KALRN: variants seen among roughly 807,000 people sequenced by gnomAD.
KALRN encodes kalirin.
In KALRN, 70 loss-of-function variants were observed where a neutral mutation model predicts 353.7. The ratio of observed to expected loss-of-function variants is 0.20; its 90% CI spans 0.16 to 0.24. The LOEUF (loss-of-function observed/expected upper bound fraction) is 0.24. KALRN is among the 10% of genes least tolerant of loss of function. The probability of loss-of-function intolerance (pLI) is 1.00; values close to 1 mark genes in which losing one functional copy is unlikely to be tolerated. For missense variants in KALRN, 2,791 were observed against 3,756.7 expected, an observed-to-expected ratio of 0.74 and a Z score of 6.72; for synonymous variants, 1,391 against 1,434.8, an observed-to-expected ratio of 0.97 and a Z score of 0.69.
chr3:124,272,107 T>A (rs1413671628), intron 5 of KALRN, among the ~76,000 whole-genome samples: 1 of 152,200 alleles, frequency 6.6e-6, no homozygotes, highest in Non-Finnish European at 1.5e-5. Flanking sequence ...GTAATAGGAT[T>A]ATACCCAAGT....
At chr3:124,381,785 C>T (rs2087422733) in intron 10 of KALRN, among the ~76,000 whole-genome samples, 1 of 152,106 alleles carries the variant, frequency 6.6e-6, no homozygotes, top group African/African-American at 2.4e-5. Context: ...ATGGGGGAAC[C>T]AAGGATGAGT....
intron 1 of KALRN, among the ~76,000 whole-genome samples, chr3:124,069,601 TGTA>T (rs548415144): frequency 8.3e-4 from 126 of 152,332 alleles, no homozygotes; most frequent in African/African-American, 3.0e-3. Flanking sequence ...CAATGTAAAC[TGTA>T]GTAAAGTAAG....
intron 10 of KALRN, among the ~76,000 whole-genome samples, chr3:124,348,590 A>G (rs953150630): frequency 1.3e-5 from 2 of 152,224 alleles, no homozygotes; most frequent in Non-Finnish European, 2.9e-5. Context: ...TGCACTGTTG[A>G]TGAGAATGTA....
At chr3:124,666,410 A>C (rs756937793) in intron 45 of KALRN, 39 bp from the exon 46 acceptor site, 477 of 1,590,882 alleles carry the variant, frequency 3.0e-4, no homozygotes, top group Admixed American at 1.6e-3. Context: ...CTCGCTCCCC[A>C]TTTTTCATTC....
chr3:124,086,844 A>C (rs2060853465), intron 1 of KALRN, among the ~76,000 whole-genome samples: 1 of 152,182 alleles, frequency 6.6e-6, no homozygotes, highest in African/African-American at 2.4e-5. Flanking sequence ...CTTTTTGTAA[A>C]TATAAGCAAA....
chr3:124,286,176 CTCTT>C (rs1159469186), intron 5 of KALRN, among the ~76,000 whole-genome samples: 2 of 123,644 alleles, frequency 1.6e-5, no homozygotes, highest in African/African-American at 6.1e-5. Context: ...TTCTTTCTTT[CTCTT>C]TCTTCCTTCC....
At chr3:124,356,929 T>G (rs1341082849) in intron 10 of KALRN, among the ~76,000 whole-genome samples, 4 of 152,162 alleles carry the variant, frequency 2.6e-5, no homozygotes. Flanking sequence ...CACCCCTGGG[T>G]TCGATATTTA....
intron 32 of KALRN, among the ~76,000 whole-genome samples, chr3:124,493,813 G>A (rs1223873319): frequency 6.6e-6 from 1 of 152,220 alleles, no homozygotes; most frequent in Non-Finnish European, 1.5e-5. Flanking sequence ...TGGGGCGGAA[G>A]CCCCAAGACC....
At chr3:124,348,305 C>A (rs913943750) in intron 10 of KALRN, among the ~76,000 whole-genome samples, 1 of 152,210 alleles carries the variant, frequency 6.6e-6, no homozygotes, top group Non-Finnish European at 1.5e-5. Flanking sequence ...CTACTTTGGG[C>A]ATTGTACAGA....
At chr3:124,295,507 C>T (rs1309005292) in intron 5 of KALRN, among the ~76,000 whole-genome samples, 1 of 152,192 alleles carries the variant, frequency 6.6e-6, no homozygotes, top group African/African-American at 2.4e-5. Context: ...CTGTGTTCAG[C>T]TTTCCCTACT....
rs1578074849 is a variant in KALRN at position 124,572,602 on chromosome 3, G to T, written c.5182+9513G>T. The stretch of plus-strand genomic sequence containing the variant: ...ATTTATGCAAAAGGAAGCTGATAAA[G>T]ATGCCTATGTAACAGAGTTGCTGGG... On this transcript the variant is annotated intron_variant, in intron 34 of 59. Coordinates refer to ENST00000682506, the MANE Select transcript of KALRN (RefSeq NM_001388419.1). Among the ~76,000 whole-genome samples the T allele has an allele frequency of 2.6e-5, 4 of 152,290 alleles. No individual in the cohort carries two copies. The East Asian group carries it at 7.7e-4, about 29-fold the overall frequency.
intron 1 of KALRN, among the ~76,000 whole-genome samples, chr3:124,201,365 C>T (rs1006082539): frequency 2.0e-5 from 3 of 152,214 alleles, no homozygotes; most frequent in Non-Finnish European, 4.4e-5. Context: ...TGGTGCAGGC[C>T]ATCCCTTCCT....
At chr3:124,145,647 A>G (rs1019535173) in intron 1 of KALRN, among the ~76,000 whole-genome samples, 3 of 152,228 alleles carry the variant, frequency 2.0e-5, no homozygotes, top group Non-Finnish European at 2.9e-5. Context: ...TGTGCCCAGC[A>G]TTAGAGAGAC....
chr3:124,138,857 C>T (rs182343997), intron 1 of KALRN, among the ~76,000 whole-genome samples: 5 of 152,284 alleles, frequency 3.3e-5, no homozygotes, highest in Non-Finnish European at 1.5e-5. Context: ...ATCTCCATGA[C>T]ACTTCTGCTG....
chr3:124,455,188 G>A lies in KALRN; in HGVS notation c.3564G>A (p.Glu1188=). The change falls in exon 22 of 60, where the codon GAG becomes GAA. Residue 1188 remains glutamate (E), a synonymous_variant. Transcript: ENST00000682506. ...EFRVPAKQTK[E]KVKLLIQLAD... ...ATCTTTTGGGGCAGCAAACAAAGGA[G>A]AAGGTGAAGCTTCTGATTCAGCTGG... is the stretch of plus-strand genomic sequence containing the variant. 6.2e-7 allele frequency: 1 copy of A among 1,614,116 alleles called. No homozygotes were observed. The highest frequency in any genetic ancestry group is 1.1e-5 in the South Asian group (1 of 91,068).
In KALRN at chr3:124,186,330, A is replaced by G. The variant is rs143065669; in HGVS notation, c.74-41660A>G. On this transcript the variant is annotated intron_variant, in intron 1 of 59. Transcript: ENST00000682506. ...TTCTCAAGCCAGGCTTCCTGAGTTCAGTCCTGGTTCTGTTATTTCCCTTCT... is the reference window on the plus strand; with the variant it reads ...TTCTCAAGCCAGGCTTCCTGAGTTCGGTCCTGGTTCTGTTATTTCCCTTCT... Among the ~76,000 whole-genome samples, 74 of 152,296 alleles carry G rather than the reference A, an allele frequency of 4.9e-4. 1 individual carries two copies. The East Asian group carries it at 0.012, about 25-fold the overall frequency.
intron 10 of KALRN, among the ~76,000 whole-genome samples, chr3:124,364,065 T>TG (rs950481735): frequency 4.6e-5 from 7 of 152,234 alleles, no homozygotes; most frequent in Non-Finnish European, 1.0e-4. Context: ...ATCTACGTTT[T>TG]GGGGGTTCTG....
intron 33 of KALRN, among the ~76,000 whole-genome samples, chr3:124,528,542 G>A (rs1050338925): frequency 4.6e-5 from 7 of 152,136 alleles, no homozygotes; most frequent in African/African-American, 1.7e-4. Flanking sequence ...GCCTCAGTGT[G>A]CCCTCAAGAG....
At chr3:124,260,861 TCA>T (rs2072756332) in intron 3 of KALRN, among the ~76,000 whole-genome samples, 1 of 152,114 alleles carries the variant, frequency 6.6e-6, no homozygotes. Context: ...TTGTGGTTTT[TCA>T]CAGACTCCAG....
Sources: gnomAD v4.1 joint callset for allele counts (sites outside exome capture counted in the v4.1 genomes callset) on GRCh38, gnomAD v4.1.1 for gene constraint, MANE v1.5 for transcripts, NCBI Gene and HGNC (gene_info 2026-07-23, HGNC 2026-07-21) for gene names.